Variants in FLT3 observed in about 807,000 individuals in gnomAD.
FLT3 encodes receptor-type tyrosine-protein kinase FLT3.
FLT3 carries 46 observed loss-of-function variants against 126.6 expected under a neutral mutation model. The observed-to-expected ratio is 0.36, with a 90% CI of 0.29 to 0.46. The LOEUF (loss-of-function observed/expected upper bound fraction) is 0.46, where lower values mean the gene tolerates loss of function less well. FLT3 is among the 20% of genes least tolerant of loss of function. The pLI is 1.00. For synonymous variants in FLT3, 404 were observed against 434.4 expected, an observed-to-expected ratio of 0.93 and a Z score of 0.87; for missense variants, 1,069 against 1,190.3, an observed-to-expected ratio of 0.90 and a Z score of 1.50.
chr13:28,043,528 T>C (rs752351326), intron 9 of FLT3, among the ~76,000 whole-genome samples: 2 of 152,186 alleles, frequency 1.3e-5, no homozygotes, highest in African/African-American at 4.8e-5. Context: ...TTTTAAAAAA[T>C]TGTATCACTT....
intron 23 of FLT3, among the ~76,000 whole-genome samples, chr13:28,008,875 A>G (rs1475543741): frequency 6.6e-6 from 1 of 152,154 alleles, no homozygotes; most frequent in Non-Finnish European, 1.5e-5. Context: ...ATTCACTAAC[A>G]ATGCATGTTA....
chr13:28,078,947 C>T (rs1470680198), intron 1 of FLT3, among the ~76,000 whole-genome samples: 3 of 152,134 alleles, frequency 2.0e-5, no homozygotes, highest in Non-Finnish European at 4.4e-5. Context: ...CTCCCGACCT[C>T]GTGATCCCCC....
Position 28,100,475 on chromosome 13 carries a change from C to A in FLT3, c.36G>T (p.Pro12=), listed in dbSNP as rs536837435. The A allele has an allele frequency of 5.9e-4, 720 of 1,217,598 alleles. 2 individuals carry two copies. In the African/African-American group the frequency reaches 9.8e-3, roughly 17 times the overall value. 75.4% of individuals were successfully genotyped at this position (1,217,598 alleles called of 1,614,324 possible). The change falls in exon 1 of 24, where the codon CCG becomes CCT. Residue 12 remains proline (P), a synonymous_variant. Coordinates refer to ENST00000241453, the MANE Select transcript of FLT3 (RefSeq NM_004119.3). The surrounding 1 kb of genome is among the most constrained non-coding windows in gnomAD (Gnocchi z 4.8). ...PALARDGGQL[P]LLVVFSAMIF... is the part of the protein sequence containing the mutation. ...GAGCGAGCGGGGCCTTACCGAGCAG[C>A]GGCAGCTGGCCGCCGTCGCGCGCCA...
At chr13:28,029,907 A>G (rs767719226) in intron 15 of FLT3, among the ~76,000 whole-genome samples, 1 of 152,232 alleles carries the variant, frequency 6.6e-6, no homozygotes, top group Non-Finnish European at 1.5e-5. Flanking sequence ...GAAAGTCACT[A>G]TGGAATCCAA....
At chr13:28,014,418 T>C (rs1871652398) in intron 23 of FLT3, 34 bp downstream of exon 23, 2 of 1,433,450 alleles carry the variant, frequency 1.4e-6, no homozygotes, top group African/African-American at 2.8e-5. Flanking sequence ...CAATTTCCTT[T>C]GTAAAGCTTT....
At chr13:28,051,763 A>T (rs867999915) in intron 5 of FLT3, among the ~76,000 whole-genome samples, 1 of 146,040 alleles carries the variant, frequency 6.8e-6, no homozygotes, top group Admixed American at 6.9e-5. Context: ...AGCCAGGATG[A>T]TCTCGATCTC....
At position 28,036,141 on chromosome 13, in the gene FLT3, T is replaced by C. The variant is rs532685745; in HGVS notation, c.1310-98A>G. ...GTGAAGCCAAGGTGGGAGGATCACT[T>C]GGGCCAAGGAGTTCAAGACCAGCCT... On this transcript the variant is annotated intron_variant, in intron 10 of 23. Coordinates refer to ENST00000241453, the MANE Select transcript of FLT3 (RefSeq NM_004119.3). 40 of 983,160 alleles carry C rather than the reference T, an allele frequency of 4.1e-5. No individual in the cohort carries two copies. In the African/African-American group the frequency reaches 5.2e-4, roughly 13 times the overall value. 60.9% of individuals were successfully genotyped at this position (983,160 alleles called of 1,614,324 possible). A position where few individuals can be genotyped will look rare whatever the true frequency, so the allele number is the denominator to read the frequency against.
chr13:28,074,106 A>G (rs780717025), intron 1 of FLT3, among the ~76,000 whole-genome samples: 3 of 152,142 alleles, frequency 2.0e-5, no homozygotes, highest in Non-Finnish European at 4.4e-5. Flanking sequence ...TTCTGTAATT[A>G]TAGACTGGTT....
chr13:28,032,637 A>G (rs1163512602), intron 15 of FLT3, among the ~76,000 whole-genome samples: 2 of 152,124 alleles, frequency 1.3e-5, no homozygotes, highest in African/African-American at 2.4e-5. Flanking sequence ...CAAAAGCTGG[A>G]TGGAAGAAGA....
intron 1 of FLT3, among the ~76,000 whole-genome samples, chr13:28,077,995 A>G (rs1351808726): frequency 6.6e-6 from 1 of 152,210 alleles, no homozygotes; most frequent in African/African-American, 2.4e-5. Context: ...CTGATGCAAG[A>G]GGTGGATTCC....
At chr13:28,041,220 C>T (rs373409534) in intron 9 of FLT3, among the ~76,000 whole-genome samples, 1 of 151,950 alleles carries the variant, frequency 6.6e-6, no homozygotes, top group African/African-American at 2.4e-5. Flanking sequence ...AAGAGGCTGG[C>T]GTGGAAGTGG....
rs531851046 is a variant in FLT3, at chr13:28,091,259, T to C, written c.43+9209A>G. Among the ~76,000 whole-genome samples, 81 of 126,304 alleles carry C rather than the reference T, an allele frequency of 6.4e-4. 1 individual carries two copies. Among genetic ancestry groups the C allele is most frequent in the African/African-American group, 2.1e-3 (69 of 33,362 alleles). The allele number at this position is 126,304 out of a possible 152,430, so 82.9% of individuals were successfully genotyped here. ...TTTTTTGAGACGGAGTCTCGCTCTG[T>C]CGCCCAGGCTGGAGTGCAGTGGCGC... On this transcript the variant is annotated intron_variant, in intron 1 of 23. Coordinates refer to ENST00000241453, the MANE Select transcript of FLT3 (RefSeq NM_004119.3).
chr13:28,067,603 TTAA>T (rs1877147888), intron 2 of FLT3: 1 of 152,594 alleles, frequency 6.6e-6, no homozygotes, highest in African/African-American at 2.4e-5. Flanking sequence ...AATCACAATG[TTAA>T]AAAAAAATAC....
chr13:28,006,215 T>C (rs73436937), intron 23 of FLT3, among the ~76,000 whole-genome samples: 214 of 152,312 alleles, frequency 1.4e-3, no homozygotes, highest in African/African-American at 4.8e-3. Flanking sequence ...CCACAGCCCT[T>C]GTTACTGTCT....
chr13:28,018,731 T>A, intron 19 of FLT3, 142 bp from the exon 20 acceptor site: 1 of 809,424 alleles, frequency 1.2e-6, no homozygotes. Flanking sequence ...TGAGCGGCCA[T>A]GATGATGTGC....
intron 19 of FLT3, among the ~76,000 whole-genome samples, chr13:28,019,033 T>C (rs1352665472): frequency 6.6e-6 from 1 of 151,118 alleles, no homozygotes; most frequent in Non-Finnish European, 1.5e-5. Flanking sequence ...AATGGCGTGA[T>C]CTCGGCTCAC....
intron 5 of FLT3, among the ~76,000 whole-genome samples, chr13:28,052,141 C>A (rs1875556137): frequency 1.3e-5 from 2 of 151,762 alleles, no homozygotes; most frequent in Admixed American, 1.3e-4. Flanking sequence ...GTTGCCCAGG[C>A]TGGAGTGCAA....
chr13:28,067,433 C>G (rs1320533), intron 2 of FLT3, among the ~76,000 whole-genome samples: 113,717 of 152,050 alleles, frequency 0.75, 42,851 homozygotes, highest in East Asian at 0.82. Flanking sequence ...AGTACAGAGG[C>G]AGTGGGCTCC....
At chr13:28,036,695 T>A (rs1012827011) in intron 10 of FLT3, among the ~76,000 whole-genome samples, 7 of 152,218 alleles carry the variant, frequency 4.6e-5, no homozygotes, top group African/African-American at 1.4e-4. Context: ...AAGAGATATA[T>A]GGCCAGGTGC....
Sources: allele counts gnomAD v4.1 joint callset (sites outside exome capture counted in the v4.1 genomes callset), GRCh38; gene constraint gnomAD v4.1.1; non-coding constraint Gnocchi (gnomAD v3.1); transcripts MANE v1.5; gene names NCBI Gene and HGNC (gene_info 2026-07-23, HGNC 2026-07-21).